The following SSH1 variants were observed in gnomAD, a reference collection of about 807,000 sequenced individuals.
SSH1 encodes the protein slingshot protein phosphatase 1.
In SSH1, 43 loss-of-function variants were observed where a neutral mutation model predicts 79.7. The ratio of observed to expected loss-of-function variants is 0.54; its 90% CI spans 0.42 to 0.70. The LOEUF (loss-of-function observed/expected upper bound fraction) is 0.70, where lower values mean the gene tolerates loss of function less well. Ranked by LOEUF, SSH1 falls within the 30% of genes least tolerant of loss-of-function variation. SSH1 has a pLI of 0.00. For missense variants in SSH1, 1,206 were observed against 1,358.8 expected (o/e 0.89, Z 1.77); for synonymous variants, 599 against 538.3 (o/e 1.11, Z -1.56).
chr12:108,832,500 G>A (rs958282725), intron 2 of SSH1, among the ~76,000 whole-genome samples: 1 of 152,146 alleles, frequency 6.6e-6, no homozygotes, highest in Non-Finnish European at 1.5e-5. Context: ...AACGTGGAAA[G>A]CTAATCAACT....
Position 108,788,368 on chromosome 12 carries a change from T to TG in SSH1, c.2769dup (p.Thr924HisfsTer17). 6.2e-7 allele frequency: 1 copy of TG among 1,612,028 alleles called. No homozygotes were observed. On this transcript the variant is annotated frameshift_variant, in exon 15 of 15. Coordinates refer to ENST00000326495, the MANE Select transcript of SSH1 (RefSeq NM_018984.4). LOFTEE classifies it low-confidence loss of function (END_TRUNC). ...AGGTTGGAGCTCATGGAAGAGGAGG[T>TG]GGGGGTGTAGCAGATGGTCTTCAGA...
chr12:108,827,256 T>C (rs1198629992), intron 2 of SSH1: 4 of 1,546,062 alleles, frequency 2.6e-6, no homozygotes, highest in East Asian at 2.5e-5. Context: ...AGGGTGGTCA[T>C]ACGTACTAAT....
intron 2 of SSH1, among the ~76,000 whole-genome samples, chr12:108,846,464 CCA>C (rs1053059433): frequency 2.0e-5 from 3 of 152,232 alleles, no homozygotes; most frequent in African/African-American, 4.8e-5. Flanking sequence ...TCACCAATTC[CCA>C]CAGTCTGAAC....
Position 108,793,013 on chromosome 12 carries a change from G to A in SSH1, c.1350-184C>T, listed in dbSNP as rs146960164. The stretch of plus-strand genomic sequence containing the variant: ...CCAAGAAACACAAGGATGAGAAACA[G>A]CACTGGCTCCTAAGTTGTCCAGGCT... On this transcript the variant is annotated intron_variant, in intron 13 of 14. Transcript: ENST00000326495. Among the ~76,000 whole-genome samples the A allele has an allele frequency of 1.4e-3, 217 of 152,320 alleles. 1 individual carries two copies. The highest frequency in any genetic ancestry group is 2.7e-3 in the Non-Finnish European group (187 of 68,028).
intron 2 of SSH1, among the ~76,000 whole-genome samples, chr12:108,844,498 A>ACATCT (rs1240155359): frequency 6.6e-6 from 1 of 152,150 alleles, no homozygotes; most frequent in Non-Finnish European, 1.5e-5. Context: ...CAAACTAGGC[A>ACATCT]CATCTGTAAC....
chr12:108,810,852 T>G (rs1209087491), intron 6 of SSH1, among the ~76,000 whole-genome samples: 1 of 152,218 alleles, frequency 6.6e-6, no homozygotes, highest in Non-Finnish European at 1.5e-5. Context: ...GTTGTGCCTG[T>G]CAGTTGTATG....
chr12:108,834,833 C>G (rs1035704369), intron 2 of SSH1, among the ~76,000 whole-genome samples: 1 of 152,188 alleles, frequency 6.6e-6, no homozygotes, highest in East Asian at 1.9e-4. Context: ...GCTTGACATA[C>G]AGTAGATTGA....
rs544482612 is a variant in SSH1 at position 108,814,756 on chromosome 12, C to T, written c.401+2282G>A. Among the ~76,000 whole-genome samples the T allele has an allele frequency of 3.9e-5, 6 of 152,308 alleles. No individual in the cohort carries two copies. In the South Asian group the frequency reaches 1.2e-3, roughly 32 times the overall value. ...CAGAGACTCGAACTTGAGGGAAGAG[C>T]ATGCAGGAGAGGCGAGGGAACCACA... On this transcript the variant is annotated intron_variant, in intron 5 of 14. Transcript: ENST00000326495.
chr12:108,817,553 C>T (rs1303429454), intron 4 of SSH1, among the ~76,000 whole-genome samples: 3 of 152,130 alleles, frequency 2.0e-5, no homozygotes, highest in African/African-American at 7.2e-5. Flanking sequence ...CCAGCCAGAG[C>T]GACAGAGTGA....
rs780098214 is a variant in SSH1, at chr12:108,807,533, G to A, written c.731+100C>T. 1.6e-5 allele frequency: 18 copies of A among 1,141,164 alleles called. No homozygotes were observed. The highest frequency in any genetic ancestry group is 2.3e-5 in the Non-Finnish European group (18 of 767,404). 70.7% of individuals were successfully genotyped at this position (1,141,164 alleles called of 1,614,324 possible). On this transcript the variant is annotated intron_variant, in intron 8 of 14. Coordinates refer to ENST00000326495, the MANE Select transcript of SSH1 (RefSeq NM_018984.4). The surrounding 1 kb of genome is among the most constrained non-coding windows in gnomAD (Gnocchi z 5.2). ...TCTCACTCAAGGGACTCCAGGGGAG[G>A]TGTGGCCCAATGCAGGTTCAGGGTC... is the stretch of plus-strand genomic sequence containing the variant.
intron 2 of SSH1, among the ~76,000 whole-genome samples, chr12:108,832,959 G>A (rs1210383656): frequency 6.6e-6 from 1 of 152,094 alleles, no homozygotes; most frequent in Non-Finnish European, 1.5e-5. Flanking sequence ...ATGCTGGCAG[G>A]GCTCATTACA....
chr12:108,845,942 T>TGGAC (rs2038890033), intron 2 of SSH1, among the ~76,000 whole-genome samples: 3 of 151,874 alleles, frequency 2.0e-5, no homozygotes, highest in Non-Finnish European at 4.4e-5. Flanking sequence ...GGTGCAAAAG[T>TGGAC]AGGGGTGTTC....
intron 13 of SSH1, among the ~76,000 whole-genome samples, chr12:108,794,414 C>G (rs2036653300): frequency 6.6e-6 from 1 of 152,220 alleles, no homozygotes; most frequent in South Asian, 2.1e-4. Flanking sequence ...CTCCCTCCTG[C>G]CGCCCACTGG....
In SSH1 at chr12:108,788,681, T is replaced by C. The variant is rs1487988615; in HGVS notation, c.2457A>G (p.Ala819=). 2.5e-6 allele frequency: 4 copies of C among 1,614,186 alleles called. No individual in the cohort carries two copies. Among genetic ancestry groups the C allele is most frequent in the Non-Finnish European group, 3.4e-6 (4 of 1,180,042 alleles). Residue 819 remains alanine (A), a synonymous_variant, in exon 15 of 15, where the codon GCA becomes GCG. Coordinates refer to ENST00000326495, the MANE Select transcript of SSH1 (RefSeq NM_018984.4). ...CTTTGGTGTGCTTGCGGACCAAGCC[T>C]GCCTTCTGCAGCTGAATGATGGACT... ...HQESIIQLQK[A]GLVRKHTKEL... is the part of the protein sequence containing the mutation.
intron 5 of SSH1, 69 bp downstream of exon 5, chr12:108,816,969 T>C: frequency 5.0e-6 from 8 of 1,606,058 alleles, no homozygotes; most frequent in Non-Finnish European, 6.8e-6. Flanking sequence ...TATGGGACCA[T>C]GGAATGCTTT....
Position 108,795,820 on chromosome 12 carries a change from C to T in SSH1, c.1350-2991G>A, listed in dbSNP as rs775072406. ...GGTGTCATGATCATACCCTGCAATC[C>T]GGCCTGGGTGACAGAGTGAGACCCT... On this transcript the variant is annotated intron_variant, in intron 13 of 14. Coordinates refer to ENST00000326495, the MANE Select transcript of SSH1 (RefSeq NM_018984.4). Among the ~76,000 whole-genome samples, 92 of 152,166 alleles carry T rather than the reference C, an allele frequency of 6.0e-4. 1 individual carries two copies. Among genetic ancestry groups the T allele is most frequent in the Non-Finnish European group, 1.2e-3 (79 of 68,000 alleles).
intron 3 of SSH1, 100 bp from the exon 4 acceptor site, chr12:108,818,413 G>T: frequency 8.9e-7 from 1 of 1,124,446 alleles, no homozygotes; most frequent in Non-Finnish European, 1.3e-6. Context: ...AAAAGATTGA[G>T]AAGTTAAAAT....
Position 108,852,495 on chromosome 12 carries a change from G to A in SSH1, c.110+143C>T. 4 of 937,376 alleles carry A rather than the reference G, an allele frequency of 4.3e-6. No homozygotes were observed. In the South Asian group the frequency reaches 5.2e-5, roughly 12 times the overall value. 58.1% of individuals were successfully genotyped at this position (937,376 alleles called of 1,614,324 possible). A position where few individuals can be genotyped will look rare whatever the true frequency, so the allele number is the denominator to read the frequency against. Reference sequence around the variant, plus strand: ...TCCACCCGCCTCAGCCTCCCAAAGTGCTGGAATTACAGGCGTGACCCACCG... The same window carrying A: ...TCCACCCGCCTCAGCCTCCCAAAGTACTGGAATTACAGGCGTGACCCACCG... On this transcript the variant is annotated intron_variant, in intron 2 of 14. Coordinates refer to ENST00000326495, the MANE Select transcript of SSH1 (RefSeq NM_018984.4).
At chr12:108,828,456 G>A (rs1444980129) in intron 2 of SSH1, among the ~76,000 whole-genome samples, 1 of 152,138 alleles carries the variant, frequency 6.6e-6, no homozygotes, top group Non-Finnish European at 1.5e-5. Context: ...ATTATGCTGC[G>A]GTCACATCCG....
Sources: allele counts gnomAD v4.1 joint callset (sites outside exome capture counted in the v4.1 genomes callset), GRCh38; gene constraint gnomAD v4.1.1; non-coding constraint Gnocchi (gnomAD v3.1); transcripts MANE v1.5; gene names NCBI Gene and HGNC (gene_info 2026-07-23, HGNC 2026-07-21).